CSMD1: variants seen among roughly 807,000 people sequenced by gnomAD.
The protein encoded by CSMD1 is CUB and Sushi multiple domains 1, also known as CUB and sushi domain-containing protein 1.
Under a neutral mutation model 417.5 loss-of-function variants are expected in CSMD1, and 213 were observed. That is an observed-to-expected ratio of 0.51 (90% CI 0.46 to 0.57). The LOEUF is 0.57. CSMD1 is among the 20% of genes least tolerant of loss of function. The pLI is 0.00. For missense variants in CSMD1, 6,923 were observed against 4,529.7 expected, an observed-to-expected ratio of 1.53 and a Z score of -15.17; for synonymous variants, 2,862 against 1,736.8, an observed-to-expected ratio of 1.65 and a Z score of -16.11.
intron 3 of CSMD1, among the ~76,000 whole-genome samples, chr8:4,043,127 T>C (rs1395173293): frequency 6.6e-6 from 1 of 152,014 alleles, no homozygotes; most frequent in Non-Finnish European, 1.5e-5. Flanking sequence ...AGTGAGACTC[T>C]GTCTACAAAA....
chr8:4,237,129 G>A (rs548203371), intron 3 of CSMD1, among the ~76,000 whole-genome samples: 6 of 152,194 alleles, frequency 3.9e-5, no homozygotes, highest in Non-Finnish European at 7.3e-5. Flanking sequence ...TACTTTGCAC[G>A]GAAGCCCTAA....
At chr8:4,035,195 G>C (rs541210593) in intron 3 of CSMD1, among the ~76,000 whole-genome samples, 1 of 152,054 alleles carries the variant, frequency 6.6e-6, no homozygotes, top group Non-Finnish European at 1.5e-5. Flanking sequence ...TCATGAGGTC[G>C]TAGTGCCAGC....
chr8:3,256,560 T>A (rs1048185413), intron 26 of CSMD1, among the ~76,000 whole-genome samples: 1 of 152,210 alleles, frequency 6.6e-6, no homozygotes, highest in African/African-American at 2.4e-5. Context: ...ATCTTGCCCC[T>A]TTTGCTTTAT....
intron 11 of CSMD1, among the ~76,000 whole-genome samples, chr8:3,483,761 T>A (rs572654951): frequency 5.9e-5 from 9 of 152,238 alleles, no homozygotes; most frequent in African/African-American, 1.9e-4. Flanking sequence ...GAAAACTGAA[T>A]GCAACAATGT....
At chr8:3,768,193 G>T (rs553492012) in intron 5 of CSMD1, among the ~76,000 whole-genome samples, 2 of 152,172 alleles carry the variant, frequency 1.3e-5, no homozygotes, top group Non-Finnish European at 1.5e-5. Context: ...GAATCTTTAG[G>T]AAGAGTGGTT....
At chr8:4,247,230 G>A (rs1391484519) in intron 3 of CSMD1, among the ~76,000 whole-genome samples, 1 of 152,118 alleles carries the variant, frequency 6.6e-6, no homozygotes, top group African/African-American at 2.4e-5. Flanking sequence ...CAGCGAGAAA[G>A]GGACCCTCAA....
intron 2 of CSMD1, among the ~76,000 whole-genome samples, chr8:4,617,316 C>G (rs1801525922): frequency 6.6e-6 from 1 of 152,024 alleles, no homozygotes; most frequent in African/African-American, 2.4e-5. Flanking sequence ...CAGATATAAC[C>G]AAAAATATTC....
At chr8:3,336,496 T>C (rs752426936) in intron 23 of CSMD1, among the ~76,000 whole-genome samples, 23 of 152,258 alleles carry the variant, frequency 1.5e-4, no homozygotes, top group Non-Finnish European at 2.2e-4. Flanking sequence ...AAACTATTAT[T>C]GTCCCTGCTT....
chr8:4,397,438 G>C (rs925915302), intron 3 of CSMD1, among the ~76,000 whole-genome samples: 2 of 148,974 alleles, frequency 1.3e-5, no homozygotes, highest in South Asian at 4.3e-4. Flanking sequence ...TGGAAATGAA[G>C]AAAGCTTCGG....
intron 2 of CSMD1, among the ~76,000 whole-genome samples, chr8:4,589,585 CA>C (rs1200661273): frequency 1.3e-5 from 2 of 152,158 alleles, no homozygotes; most frequent in African/African-American, 4.8e-5. Context: ...GACTTGCTTG[CA>C]TTATTAATTG....
chr8:4,891,373 T>C (rs1356514927), intron 1 of CSMD1, among the ~76,000 whole-genome samples: 1 of 152,198 alleles, frequency 6.6e-6, no homozygotes, highest in African/African-American at 2.4e-5. Context: ...TTTTATTCAT[T>C]GAATAACTTG....
intron 2 of CSMD1, among the ~76,000 whole-genome samples, chr8:4,478,193 C>G (rs1198459483): frequency 6.6e-6 from 1 of 152,148 alleles, no homozygotes; most frequent in African/African-American, 2.4e-5. Context: ...TTTTTATATT[C>G]TTTCACTCGC....
At chr8:4,181,638 C>G (rs1798382852) in intron 3 of CSMD1, among the ~76,000 whole-genome samples, 2 of 152,024 alleles carry the variant, frequency 1.3e-5, no homozygotes, top group African/African-American at 4.8e-5. Flanking sequence ...CATTCCATTG[C>G]CTGTAAGAAA....
chr8:3,511,930 T>C (rs144115931), intron 10 of CSMD1, among the ~76,000 whole-genome samples: 48 of 151,374 alleles, frequency 3.2e-4, no homozygotes, highest in Non-Finnish European at 6.3e-4. Context: ...ACGGTTGTTA[T>C]ATGATGATTT....
intron 25 of CSMD1, among the ~76,000 whole-genome samples, chr8:3,284,860 TA>T (rs1803028982): frequency 6.6e-6 from 1 of 152,206 alleles, no homozygotes; most frequent in African/African-American, 2.4e-5. Flanking sequence ...TACTTCTTTC[TA>T]AAAATTATAT....
intron 1 of CSMD1, among the ~76,000 whole-genome samples, chr8:4,866,124 C>G (rs1031273459): frequency 3.9e-5 from 6 of 151,924 alleles, no homozygotes; most frequent in East Asian, 1.9e-4. Flanking sequence ...TTCAAAGTGA[C>G]TAGAATTATG....
chr8:4,813,631 C>T (rs1297918573), intron 1 of CSMD1, among the ~76,000 whole-genome samples: 2 of 152,142 alleles, frequency 1.3e-5, no homozygotes, highest in African/African-American at 4.8e-5. Context: ...AAAGGGTCTC[C>T]AGAGCTGTAA....
At chr8:4,615,728 G>A (rs1232838440) in intron 2 of CSMD1, among the ~76,000 whole-genome samples, 1 of 152,030 alleles carries the variant, frequency 6.6e-6, no homozygotes, top group African/African-American at 2.4e-5. Context: ...TGCCTGTTAG[G>A]ATCCCCAAAT....
At chr8:4,288,821 T>C (rs1056300738) in intron 3 of CSMD1, among the ~76,000 whole-genome samples, 5 of 152,184 alleles carry the variant, frequency 3.3e-5, no homozygotes, top group African/African-American at 1.2e-4. Flanking sequence ...TCAAGTCCCA[T>C]TACGTCAGTA....
Sources: allele counts gnomAD v4.1 joint callset (sites outside exome capture counted in the v4.1 genomes callset), GRCh38; gene constraint gnomAD v4.1.1; transcripts MANE v1.5; gene names NCBI Gene and HGNC (gene_info 2026-07-23, HGNC 2026-07-21).